The following GRIP1 variants were observed in gnomAD, a reference collection of about 807,000 sequenced individuals.
The protein encoded by GRIP1 is glutamate receptor-interacting protein 1.
A neutral mutation model predicts 129.9 loss-of-function variants in GRIP1; 45 were observed. That is an observed-to-expected ratio of 0.35 (90% CI 0.27 to 0.44). GRIP1 has a LOEUF of 0.44. Ranked by LOEUF, GRIP1 falls within the 20% of genes least tolerant of loss-of-function variation. The pLI, the probability that GRIP1 is intolerant of heterozygous loss-of-function variation, is 1.00. For synonymous variants in GRIP1, 530 were observed against 520.8 expected (o/e 1.02, Z -0.24); for missense variants, 1,196 against 1,396.8 (o/e 0.86, Z 2.29).
At chr12:67,004,594 C>T (rs1035301846) in intron 1 of GRIP1, among the ~76,000 whole-genome samples, 8 of 151,810 alleles carry the variant, frequency 5.3e-5, no homozygotes, top group African/African-American at 1.9e-4. Context: ...GAAGGAAGTA[C>T]AACATGCTGA....
rs35445606 is a variant in GRIP1 at position 66,696,804 on chromosome 12, C to CAAAAAAA, written c.-419-66475_-419-66469dup. Among the ~76,000 whole-genome samples, 60 of 103,748 alleles carry CAAAAAAA rather than the reference C, an allele frequency of 5.8e-4. 2 individuals are homozygous for CAAAAAAA. The highest frequency in any genetic ancestry group is 2.2e-3 in the African/African-American group (55 of 24,736). 68.1% of individuals were successfully genotyped at this position (103,748 alleles called of 152,430 possible). A position where few individuals can be genotyped will look rare whatever the true frequency, so the allele number is the denominator to read the frequency against. On this transcript the variant is annotated intron_variant, in intron 1 of 4. Transcript: ENST00000538373. ...TGGGTGACAGAGCAAGACTCTGTCT[C>CAAAAAAA]AAAAAAAAAAAAAAAAAAAAAAAAA...
chr12:66,512,354 C>A (rs1465117307), intron 7 of GRIP1, among the ~76,000 whole-genome samples: 1 of 152,038 alleles, frequency 6.6e-6, no homozygotes, highest in Non-Finnish European at 1.5e-5. Context: ...TTTGGAAATT[C>A]CTAGAGACTT....
At chr12:66,632,404 C>G (rs2030899310) in intron 1 of GRIP1, among the ~76,000 whole-genome samples, 2 of 152,190 alleles carry the variant, frequency 1.3e-5, no homozygotes, top group African/African-American at 2.4e-5. Context: ...CAGGGATGAT[C>G]TAGTTATTGG....
At chr12:66,876,432 C>T (rs570655567) in intron 1 of GRIP1, among the ~76,000 whole-genome samples, 21 of 152,162 alleles carry the variant, frequency 1.4e-4, no homozygotes, top group African/African-American at 5.1e-4. Context: ...GAAAGGTTAA[C>T]TAGCACACAT....
intron 1 of GRIP1, among the ~76,000 whole-genome samples, chr12:66,813,412 A>G (rs562010390): frequency 6.6e-6 from 1 of 152,334 alleles, no homozygotes; most frequent in South Asian, 2.1e-4. Context: ...TCACATTTCA[A>G]CATGAGGTTT....
chr12:67,004,040 C>G (rs12302710), intron 1 of GRIP1, among the ~76,000 whole-genome samples: 16,469 of 152,170 alleles, frequency 0.11, 1,813 homozygotes, highest in African/African-American at 0.29. Context: ...ACCTTCTCCT[C>G]TGTGACTCTC....
intron 1 of GRIP1, among the ~76,000 whole-genome samples, chr12:66,655,332 G>T (rs79961419): frequency 0.029 from 4,399 of 152,032 alleles, 206 homozygotes; most frequent in African/African-American, 0.1. Context: ...CTTTTTTATG[G>T]TGGCTTTAGG....
intron 7 of GRIP1, among the ~76,000 whole-genome samples, chr12:66,481,879 A>G (rs1263972762): frequency 6.6e-6 from 1 of 151,970 alleles, no homozygotes; most frequent in Non-Finnish European, 1.5e-5. Context: ...GTTCTCACTC[A>G]TAAGTGGGAA....
chr12:67,046,467 G>A (rs896708637), intron 1 of GRIP1, among the ~76,000 whole-genome samples: 1 of 152,154 alleles, frequency 6.6e-6, no homozygotes, highest in Non-Finnish European at 1.5e-5. Context: ...TGAATTTCAT[G>A]TTAATTTTAA....
At chr12:66,768,856 A>T (rs1293196331) in intron 1 of GRIP1, among the ~76,000 whole-genome samples, 3 of 152,174 alleles carry the variant, frequency 2.0e-5, no homozygotes, top group African/African-American at 7.2e-5. Context: ...GACCTCTAAA[A>T]CAATTCTTGT....
chr12:66,696,637 A>AC (rs1331605570), intron 1 of GRIP1, among the ~76,000 whole-genome samples: 15 of 151,542 alleles, frequency 9.9e-5, no homozygotes, highest in Admixed American at 2.6e-4. Flanking sequence ...CAAAAAACAA[A>AC]AAACAAACAA....
rs61918815 is a variant in GRIP1, at chr12:66,932,825, C to T, written c.58+136225G>A. On this transcript the variant is annotated intron_variant, in intron 1 of 1. Coordinates refer to the GRIP1 transcript ENST00000643019. The stretch of plus-strand genomic sequence containing the variant: ...CTAGGACTGCAGGCGCCTGCCACCG[C>T]GCCCAGCTAATTTTTGTGTTTTTAC... Among the ~76,000 whole-genome samples the T allele has an allele frequency of 4.8e-3, 728 of 152,072 alleles. 4 individuals are homozygous for T. The highest frequency in any genetic ancestry group is 0.024 in the Middle Eastern group (7 of 294).
At chr12:67,058,144 A>G (rs953779271) in intron 1 of GRIP1, among the ~76,000 whole-genome samples, 2 of 152,222 alleles carry the variant, frequency 1.3e-5, no homozygotes, top group Admixed American at 6.5e-5. Flanking sequence ...CCATTCACAG[A>G]TTATATACCA....
At chr12:66,737,716 A>ATT (rs911824663) in intron 1 of GRIP1, among the ~76,000 whole-genome samples, 1 of 151,100 alleles carries the variant, frequency 6.6e-6, no homozygotes, top group African/African-American at 2.4e-5. Context: ...TCTTGCACTC[A>ATT]TTTTTTTTTA....
chr12:66,494,914 A>C (rs1193700310), intron 7 of GRIP1, among the ~76,000 whole-genome samples: 1 of 152,098 alleles, frequency 6.6e-6, no homozygotes, highest in Non-Finnish European at 1.5e-5. Flanking sequence ...AAAAAGAGAG[A>C]AGCTCTTTTA....
At chr12:66,829,417 G>T (rs564346986) in intron 1 of GRIP1, among the ~76,000 whole-genome samples, 10 of 152,256 alleles carry the variant, frequency 6.6e-5, no homozygotes, top group African/African-American at 2.4e-4. Flanking sequence ...ACTGAGTTTG[G>T]ATTTCTGACA....
In GRIP1 at chr12:66,437,654, C is replaced by A. The variant is rs565453352; in HGVS notation, c.1688-5026G>T. 3.9e-5 allele frequency among the ~76,000 whole-genome samples: 6 copies of A among 152,216 alleles called. No homozygotes were observed. In the East Asian group the frequency reaches 1.2e-3, roughly 29 times the overall value. ...TATCCAATCAACAAATATTAAAATA[C>A]ACACATATATATTCACAAGTAAATA... On this transcript the variant is annotated intron_variant, in intron 13 of 24. Transcript: ENST00000359742.
At chr12:66,734,376 C>T (rs1448211583) in intron 1 of GRIP1, among the ~76,000 whole-genome samples, 1 of 152,134 alleles carries the variant, frequency 6.6e-6, no homozygotes, top group Admixed American at 6.5e-5. Flanking sequence ...ATGATCAGAC[C>T]TCCAAATTGC....
At chr12:66,635,186 A>G (rs1037695649) in intron 1 of GRIP1, among the ~76,000 whole-genome samples, 1 of 152,092 alleles carries the variant, frequency 6.6e-6, no homozygotes, top group African/African-American at 2.4e-5. Context: ...TGGGAGGCTG[A>G]GGTAGGAAGA....
Sources: gnomAD v4.1 joint callset for allele counts (sites outside exome capture counted in the v4.1 genomes callset) on GRCh38, gnomAD v4.1.1 for gene constraint, MANE v1.5 for transcripts, NCBI Gene and HGNC (gene_info 2026-07-23, HGNC 2026-07-21) for gene names.